NEBL: variants seen among roughly 807,000 people sequenced by gnomAD.
NEBL encodes LIM and SH3 protein 2.
Under a neutral mutation model 140.2 loss-of-function variants are expected in NEBL, and 122 were observed. That is an observed-to-expected ratio of 0.87 (90% CI 0.75 to 1.01). NEBL has a LOEUF of 1.01. Ranked by LOEUF, NEBL falls within the 50% of genes least tolerant of loss-of-function variation. The probability of loss-of-function intolerance (pLI) is 0.00; values close to 1 mark genes in which losing one functional copy is unlikely to be tolerated. For synonymous variants in NEBL, 436 were observed against 398.9 expected (o/e 1.09, Z -1.11); for missense variants, 1,365 against 1,231.3 (o/e 1.11, Z -1.62).
chr10:20,888,975 C>T (rs1846786989), intron 3 of NEBL, among the ~76,000 whole-genome samples: 2 of 152,154 alleles, frequency 1.3e-5, no homozygotes, highest in Admixed American at 1.3e-4. Flanking sequence ...GAGCACAGAT[C>T]CTGTGCTAGC....
chr10:21,256,962 G>A (rs1842666307), intron 1 of NEBL, among the ~76,000 whole-genome samples: 1 of 152,126 alleles, frequency 6.6e-6, no homozygotes, highest in Admixed American at 6.5e-5. Context: ...TATAATGGTG[G>A]GCTACCACCA....
At chr10:21,185,645 T>C (rs998687845) in intron 3 of NEBL, among the ~76,000 whole-genome samples, 3 of 151,772 alleles carry the variant, frequency 2.0e-5, no homozygotes, top group Non-Finnish European at 1.5e-5. Context: ...ATTACAGGCA[T>C]GCCACCACAC....
rs1343486070 is a variant in NEBL, at chr10:20,869,861, G to A, written c.481-20C>T. The stretch of plus-strand genomic sequence containing the variant: ...AGAAATCTGATCAGAGACAGTTTTG[G>A]TTAAAAAATAAATAAATTAGTAATT... On this transcript the variant is annotated intron_variant, in intron 5 of 27. Transcript: ENST00000377122. The A allele has an allele frequency of 1.4e-6, 2 of 1,474,590 alleles. No individual in the cohort carries two copies. The highest frequency in any genetic ancestry group is 1.1e-5 in the South Asian group (1 of 88,210). The allele number at this position is 1,474,590 out of a possible 1,614,324, so 91.3% of individuals were successfully genotyped here.
intron 3 of NEBL, among the ~76,000 whole-genome samples, chr10:21,007,871 C>T (rs1838195497): frequency 6.6e-6 from 1 of 152,164 alleles, no homozygotes; most frequent in South Asian, 2.1e-4. Flanking sequence ...CTACATGTTT[C>T]TGTTACAGTT....
intron 2 of NEBL, among the ~76,000 whole-genome samples, chr10:21,108,594 T>A (rs914913525): frequency 3.9e-5 from 6 of 152,188 alleles, no homozygotes; most frequent in Non-Finnish European, 7.4e-5. Context: ...ATGTGGTCAA[T>A]TTTAGAATAA....
At chr10:21,033,901 C>T (rs773124292) in intron 2 of NEBL, among the ~76,000 whole-genome samples, 14 of 151,946 alleles carry the variant, frequency 9.2e-5, no homozygotes, top group Non-Finnish European at 1.3e-4. Flanking sequence ...CACAGTGGCT[C>T]ACGCTGGTAC....
intron 3 of NEBL, among the ~76,000 whole-genome samples, chr10:21,193,541 C>A (rs1388905735): frequency 6.6e-6 from 1 of 152,176 alleles, no homozygotes; most frequent in Non-Finnish European, 1.5e-5. Flanking sequence ...TCCTACAGAG[C>A]TCCTTCCAAC....
intron 3 of NEBL, among the ~76,000 whole-genome samples, chr10:21,210,919 T>C (rs1224419787): frequency 1.3e-5 from 2 of 152,216 alleles, no homozygotes; most frequent in Non-Finnish European, 2.9e-5. Context: ...TCCTAGCCAG[T>C]AGGAGTTAAT....
chr10:21,230,602 A>AG (rs1842233528), intron 3 of NEBL, among the ~76,000 whole-genome samples: 5 of 143,056 alleles, frequency 3.5e-5, no homozygotes, highest in Admixed American at 1.4e-4. Context: ...CAAACTGGAA[A>AG]CCTTTTTTTT....
At chr10:20,975,069 C>A (rs1836732943) in intron 3 of NEBL, among the ~76,000 whole-genome samples, 1 of 152,132 alleles carries the variant, frequency 6.6e-6, no homozygotes, top group Admixed American at 6.6e-5. Flanking sequence ...TCAGCCTGAA[C>A]ACACTAACGG....
At chr10:21,207,043 G>A (rs183330580) in intron 3 of NEBL, among the ~76,000 whole-genome samples, 4 of 146,076 alleles carry the variant, frequency 2.7e-5, no homozygotes, top group East Asian at 2.0e-4. Flanking sequence ...GTGCAGGCTC[G>A]GCTTACTGCA....
chr10:20,899,721 A>G (rs912801745), upstream of NEBL: 2 of 238,332 alleles, frequency 8.4e-6, no homozygotes, highest in African/African-American at 4.6e-5. Context: ...CATTTGTTCA[A>G]CAAATAAATG....
intron 7 of NEBL, among the ~76,000 whole-genome samples, chr10:20,860,561 CAAAAAGAAAAAAAAA>C (rs1843590790): frequency 1.6e-5 from 1 of 61,938 alleles, no homozygotes; most frequent in Admixed American, 2.1e-4. Context: ...AAGTTCACTA[CAAAAAGAAAAAAAAA>C]AAAAAAAAAA....
chr10:21,018,561 T>C (rs1372969869), intron 3 of NEBL, among the ~76,000 whole-genome samples: 1 of 152,192 alleles, frequency 6.6e-6, no homozygotes, highest in Non-Finnish European at 1.5e-5. Flanking sequence ...TTCATGGCAT[T>C]ATTAACCAAC....
At chr10:21,210,960 A>G (rs80170677) in intron 3 of NEBL, among the ~76,000 whole-genome samples, 4,552 of 152,298 alleles carry the variant, frequency 0.03, 91 homozygotes, top group Middle Eastern at 0.068. Flanking sequence ...TGTTTCATGC[A>G]TGCCCTCTAG....
intron 1 of NEBL, among the ~76,000 whole-genome samples, chr10:21,262,686 G>A (rs1332177947): frequency 2.6e-5 from 4 of 152,180 alleles, no homozygotes; most frequent in Admixed American, 6.5e-5. Flanking sequence ...GGCCAGGCTT[G>A]TGTCTGAGCA....
At chr10:20,787,391 T>A in intron 26 of NEBL, 83 bp from the exon 27 acceptor site, 2 of 1,084,260 alleles carry the variant, frequency 1.8e-6, no homozygotes, top group Non-Finnish European at 2.8e-6. Flanking sequence ...AGTGATGTTA[T>A]GCTCTGCTAG....
intron 3 of NEBL, among the ~76,000 whole-genome samples, chr10:20,980,718 C>T (rs954382433): frequency 6.6e-6 from 1 of 152,206 alleles, no homozygotes; most frequent in Non-Finnish European, 1.5e-5. Context: ...CAGGTACAAA[C>T]TTAGCAGGTT....
chr10:20,835,752 T>G, intron 13 of NEBL, 129 bp from the exon 14 acceptor site: 1 of 725,640 alleles, frequency 1.4e-6, no homozygotes, highest in Non-Finnish European at 2.5e-6. Flanking sequence ...TTGAGTACTA[T>G]GAATGATCAC....
Sources: allele counts gnomAD v4.1 joint callset (sites outside exome capture counted in the v4.1 genomes callset), GRCh38; gene constraint gnomAD v4.1.1; transcripts MANE v1.5; gene names NCBI Gene and HGNC (gene_info 2026-07-23, HGNC 2026-07-21).